The following SLC24A2 variants were observed in gnomAD, a reference collection of about 807,000 sequenced individuals.
The protein encoded by SLC24A2 is sodium/potassium/calcium exchanger 2.
A neutral mutation model predicts 62.0 loss-of-function variants in SLC24A2; 36 were observed. The ratio of observed to expected loss-of-function variants is 0.58; its 90% CI spans 0.44 to 0.77. The LOEUF (loss-of-function observed/expected upper bound fraction) is 0.77, where lower values mean the gene tolerates loss of function less well. SLC24A2 is among the 30% of genes least tolerant of loss of function. The pLI, the probability that SLC24A2 is intolerant of heterozygous loss-of-function variation, is 0.00. For synonymous variants in SLC24A2, 358 were observed against 294.0 expected, an observed-to-expected ratio of 1.22 and a Z score of -2.23; for missense variants, 846 against 817.9, an observed-to-expected ratio of 1.03 and a Z score of -0.42.
At chr9:20,275,035 C>T in the SLC24A2 span, among the ~76,000 whole-genome samples, 1 of 152,112 alleles carries the variant, frequency 6.6e-6, no homozygotes, top group African/African-American at 2.4e-5. Flanking sequence ...AGGCAATATA[C>T]CTGAGGCCTG....
intron 2 of SLC24A2, among the ~76,000 whole-genome samples, chr9:19,715,440 C>T (rs1427579394): frequency 6.6e-6 from 1 of 152,052 alleles, no homozygotes; most frequent in East Asian, 1.9e-4. Flanking sequence ...CCTGAAGGTA[C>T]AAAAAAATGA....
At chr9:19,993,870 C>A in the SLC24A2 span, among the ~76,000 whole-genome samples, 4 of 152,278 alleles carry the variant, frequency 2.6e-5, no homozygotes, top group South Asian at 8.3e-4. Context: ...TCATTAATGC[C>A]CATGGTGAAA....
the SLC24A2 span, among the ~76,000 whole-genome samples, chr9:20,249,389 G>A: frequency 6.6e-6 from 1 of 152,032 alleles, no homozygotes; most frequent in African/African-American, 2.4e-5. Context: ...TTAACTGTGG[G>A]TTTGTCATAA....
intron 2 of SLC24A2, among the ~76,000 whole-genome samples, chr9:19,783,596 T>C (rs1247042341): frequency 1.3e-5 from 2 of 152,158 alleles, no homozygotes; most frequent in Non-Finnish European, 2.9e-5. Context: ...TTCAGAGATG[T>C]GATTATGTTC....
chr9:19,513,559 G>T lies in SLC24A2; in HGVS notation c.*2594C>A, dbSNP rs1410394813. Reference sequence around the variant, plus strand: ...ACCACAACACTTCCTGTGAAGTGGAGCTCCGAGACAAGCAAAGGGCACCAT... The same window carrying T: ...ACCACAACACTTCCTGTGAAGTGGATCTCCGAGACAAGCAAAGGGCACCAT... On this transcript the variant is annotated 3_prime_UTR_variant, in exon 11 of 11. Transcript: ENST00000341998. 6.6e-6 allele frequency: 1 copy of T among 152,090 alleles called. No homozygotes were observed. Among genetic ancestry groups the T allele is most frequent in the African/African-American group, 2.4e-5 (1 of 41,402 alleles). 9.4% of individuals were successfully genotyped at this position (152,090 alleles called of 1,614,324 possible).
At chr9:19,724,828 A>C (rs535962147) in intron 2 of SLC24A2, among the ~76,000 whole-genome samples, 70 of 152,316 alleles carry the variant, frequency 4.6e-4, no homozygotes, top group Non-Finnish European at 8.1e-4. Context: ...GAAACCAATA[A>C]GGCGTATTTC....
the SLC24A2 span, among the ~76,000 whole-genome samples, chr9:19,933,501 A>G: frequency 6.6e-6 from 1 of 152,084 alleles, no homozygotes; most frequent in Admixed American, 6.5e-5. Context: ...CATCCATTCA[A>G]TTCATTCATC....
At chr9:20,067,480 T>C in the SLC24A2 span, among the ~76,000 whole-genome samples, 2 of 152,190 alleles carry the variant, frequency 1.3e-5, no homozygotes, top group Non-Finnish European at 2.9e-5. Flanking sequence ...TACATGGGTA[T>C]GCTCCCAGGT....
chr9:19,560,067 CACTTCCAAAGCAA>C (rs1403949005), intron 7 of SLC24A2, among the ~76,000 whole-genome samples: 1 of 152,138 alleles, frequency 6.6e-6, no homozygotes, highest in Non-Finnish European at 1.5e-5. Flanking sequence ...TGCTGTGAGT[CACTTCCAAAGCAA>C]ACCCCGAGTT....
chr9:19,578,645 G>C (rs1038228087), intron 5 of SLC24A2, among the ~76,000 whole-genome samples: 44 of 151,798 alleles, frequency 2.9e-4, no homozygotes, highest in Non-Finnish European at 5.9e-5. Context: ...AAACAAATAT[G>C]TTTCTCCTGG....
At chr9:20,234,602 A>G in the SLC24A2 span, among the ~76,000 whole-genome samples, 1 of 152,128 alleles carries the variant, frequency 6.6e-6, no homozygotes, top group Admixed American at 6.6e-5. Context: ...ACTTCTCTGC[A>G]TTGGTTATTC....
intron 2 of SLC24A2, among the ~76,000 whole-genome samples, chr9:19,675,717 G>C (rs565960132): frequency 7.5e-4 from 114 of 152,162 alleles, no homozygotes; most frequent in African/African-American, 2.6e-3. Context: ...CCCCACAAAA[G>C]CACCAAGTTT....
At chr9:20,226,955 C>T in the SLC24A2 span, among the ~76,000 whole-genome samples, 12 of 152,164 alleles carry the variant, frequency 7.9e-5, no homozygotes, top group East Asian at 1.5e-3. Flanking sequence ...CAGGGAGGAA[C>T]CTAATGGTAA....
the SLC24A2 span, among the ~76,000 whole-genome samples, chr9:20,041,839 C>T: frequency 2.0e-5 from 3 of 152,262 alleles, no homozygotes; most frequent in Admixed American, 6.5e-5. Flanking sequence ...GCAGGATGCC[C>T]ACCCATCAAG....
chr9:20,170,198 A>C, the SLC24A2 span, among the ~76,000 whole-genome samples: 1 of 151,966 alleles, frequency 6.6e-6, no homozygotes, highest in Non-Finnish European at 1.5e-5. Flanking sequence ...GATTATGTTA[A>C]ACAACAAAAC....
At chr9:19,916,715 G>A in the SLC24A2 span, among the ~76,000 whole-genome samples, 1 of 151,918 alleles carries the variant, frequency 6.6e-6, no homozygotes, top group East Asian at 1.9e-4. Context: ...TCTATTATAT[G>A]GATGTATAAT....
At chr9:19,930,910 C>G in the SLC24A2 span, among the ~76,000 whole-genome samples, 23 of 152,254 alleles carry the variant, frequency 1.5e-4, no homozygotes, top group East Asian at 4.2e-3. Context: ...ATGGGGGAAA[C>G]TATTAATTTT....
the SLC24A2 span, among the ~76,000 whole-genome samples, chr9:20,199,250 G>A: frequency 2.6e-5 from 4 of 152,116 alleles, no homozygotes; most frequent in African/African-American, 4.8e-5. Context: ...AAACTCAGGC[G>A]GGATAGAGTC....
At chr9:19,608,359 G>C (rs1485555472) in intron 4 of SLC24A2, among the ~76,000 whole-genome samples, 1 of 151,812 alleles carries the variant, frequency 6.6e-6, no homozygotes, top group Non-Finnish European at 1.5e-5. Flanking sequence ...ATAAGCTCTG[G>C]TATTTGGTGA....
Sources: allele counts gnomAD v4.1 joint callset (sites outside exome capture counted in the v4.1 genomes callset), GRCh38; gene constraint gnomAD v4.1.1; transcripts MANE v1.5; gene names NCBI Gene and HGNC (gene_info 2026-07-23, HGNC 2026-07-21).